The following ADCYAP1R1 variants were observed in gnomAD, a reference collection of about 807,000 sequenced individuals.
The protein encoded by ADCYAP1R1 is ADCYAP receptor type I.
Under a neutral mutation model 67.6 loss-of-function variants are expected in ADCYAP1R1, and 44 were observed. The ratio of observed to expected loss-of-function variants is 0.65; its 90% CI spans 0.51 to 0.84. The LOEUF is 0.84. Ranked by LOEUF, ADCYAP1R1 falls within the 40% of genes least tolerant of loss-of-function variation. The pLI, the probability that ADCYAP1R1 is intolerant of heterozygous loss-of-function variation, is 0.00. For synonymous variants in ADCYAP1R1, 222 were observed against 219.6 expected (o/e 1.01, Z -0.10); for missense variants, 477 against 587.9 (o/e 0.81, Z 1.95).
In ADCYAP1R1 at chr7:31,111,233, T is replaced by A. The variant is rs1796852360; in HGVS notation, c.*4549T>A. The A allele has an allele frequency of 6.6e-6, 1 of 152,264 alleles. No individual in the cohort carries two copies. The highest frequency in any genetic ancestry group is 1.5e-5 in the Non-Finnish European group (1 of 68,086). The allele number at this position is 152,264 out of a possible 1,614,324, so 9.4% of individuals were successfully genotyped here. A position where few individuals can be genotyped will look rare whatever the true frequency, so the allele number is the denominator to read the frequency against. On this transcript the variant is annotated 3_prime_UTR_variant, in exon 16 of 16. Transcript: ENST00000304166. ...CTATGTGTGTCTTGTCTGATGTCTG[T>A]CTTCTGTAGCTTTGCCTCTATCAGG...
intron 3 of ADCYAP1R1, among the ~76,000 whole-genome samples, chr7:31,069,001 G>A (rs538524014): frequency 6.6e-6 from 1 of 152,300 alleles, no homozygotes; most frequent in Admixed American, 6.5e-5. Flanking sequence ...GCACTGTAGA[G>A]CCCCCAGGAG....
chr7:31,060,019 T>C (rs1794429072), intron 1 of ADCYAP1R1, among the ~76,000 whole-genome samples: 2 of 152,038 alleles, frequency 1.3e-5, no homozygotes, highest in African/African-American at 2.4e-5. Flanking sequence ...AGGCACCCTA[T>C]TGAGAGTGCC....
Position 31,080,477 on chromosome 7 carries a change from C to T in ADCYAP1R1, c.266-136C>T, listed in dbSNP as rs973787853. 5 of 859,978 alleles carry T rather than the reference C, an allele frequency of 5.8e-6. No homozygotes were observed. The African/African-American group carries it at 6.7e-5, about 11-fold the overall frequency. The allele number at this position is 859,978 out of a possible 1,614,324, so 53.3% of individuals were successfully genotyped here. On this transcript the variant is annotated intron_variant, in intron 4 of 15. Coordinates refer to ENST00000304166, the MANE Select transcript of ADCYAP1R1 (RefSeq NM_001118.5). Reference sequence around the variant, plus strand: ...TAGTCCTGATGCCTTCTGGGTCCCCCAGAGCCCCTCTTTAATGTTTGGGGT... The same window carrying T: ...TAGTCCTGATGCCTTCTGGGTCCCCTAGAGCCCCTCTTTAATGTTTGGGGT...
intron 15 of ADCYAP1R1, among the ~76,000 whole-genome samples, chr7:31,105,462 C>G (rs1229174823): frequency 6.6e-6 from 1 of 152,218 alleles, no homozygotes. Flanking sequence ...TACTCCATTG[C>G]CAGAGCTGTG....
At chr7:31,071,413 G>T (rs1794974049) in intron 3 of ADCYAP1R1, among the ~76,000 whole-genome samples, 1 of 152,098 alleles carries the variant, frequency 6.6e-6, no homozygotes, top group South Asian at 2.1e-4. Flanking sequence ...CCCCAGTGGG[G>T]GCCTATACAC....
Position 31,086,590 on chromosome 7 carries a change from C to A in ADCYAP1R1, c.823+53C>A. On this transcript the variant is annotated intron_variant, in intron 10 of 15. Transcript: ENST00000304166. This position sits in a 1 kb window ranked among gnomAD's most constrained non-coding sequence, Gnocchi z 5.0. Reference sequence around the variant, plus strand: ...GTTCAGGTCCCGTGGTCAGGTGTGTCCAGGTGTGTCTTTGGTTCCATCTTC... The same window carrying A: ...GTTCAGGTCCCGTGGTCAGGTGTGTACAGGTGTGTCTTTGGTTCCATCTTC... 1 of 1,602,798 alleles carries A rather than the reference C, an allele frequency of 6.2e-7. No individual in the cohort carries two copies. Among genetic ancestry groups the A allele is most frequent in the Non-Finnish European group, 8.5e-7 (1 of 1,172,814 alleles).
rs1453301968 is a variant in ADCYAP1R1 at position 31,077,904 on chromosome 7, G to A, written c.158-87G>A. 1.0e-5 allele frequency: 8 copies of A among 789,542 alleles called. No homozygotes were observed. The East Asian group carries it at 2.1e-4, about 21-fold the overall frequency. 48.9% of individuals were successfully genotyped at this position (789,542 alleles called of 1,614,324 possible). ...GTGGTGTCTGTGGTGTGTGTGGTGT[G>A]TATGTTGGTGTGTGTGATGTGTGTG... On this transcript the variant is annotated intron_variant, in intron 3 of 15. Transcript: ENST00000304166.
At chr7:31,069,550 AT>A (rs1461297899) in intron 3 of ADCYAP1R1, among the ~76,000 whole-genome samples, 26 of 152,142 alleles carry the variant, frequency 1.7e-4, no homozygotes, top group Non-Finnish European at 2.9e-5. Flanking sequence ...ATATGAGTCA[AT>A]TGGAACAAGA....
intron 13 of ADCYAP1R1, among the ~76,000 whole-genome samples, chr7:31,097,816 G>C (rs1011053314): frequency 1.2e-4 from 11 of 95,538 alleles, no homozygotes; most frequent in South Asian, 6.9e-4. Flanking sequence ...GATACAGTTG[G>C]GGGGGGGTCT....
At chr7:31,078,772 G>A (rs1795391666) in intron 4 of ADCYAP1R1, among the ~76,000 whole-genome samples, 1 of 152,204 alleles carries the variant, frequency 6.6e-6, no homozygotes, top group Admixed American at 6.5e-5. Context: ...GGGAGGAGCT[G>A]GACCTTGGGC....
chr7:31,105,681 C>T (rs1052024790), intron 15 of ADCYAP1R1, among the ~76,000 whole-genome samples: 3 of 152,160 alleles, frequency 2.0e-5, no homozygotes, highest in East Asian at 1.9e-4. Context: ...GCTCTGTGAT[C>T]GCCCAGACAA....
intron 12 of ADCYAP1R1, 82 bp downstream of exon 12, chr7:31,087,778 C>A (rs1795812248): frequency 3.7e-6 from 4 of 1,093,942 alleles, no homozygotes; most frequent in South Asian, 2.7e-5. Context: ...ATGAAAGAGT[C>A]CCCACACAAC....
chr7:31,074,276 A>C (rs1185312566), intron 3 of ADCYAP1R1, among the ~76,000 whole-genome samples: 1 of 152,200 alleles, frequency 6.6e-6, no homozygotes, highest in Non-Finnish European at 1.5e-5. Context: ...AATGCTGAGT[A>C]GAGACCTGCC....
At chr7:31,083,695 CCACCCA>C (rs1415630347) in intron 6 of ADCYAP1R1, among the ~76,000 whole-genome samples, 1 of 152,130 alleles carries the variant, frequency 6.6e-6, no homozygotes, top group Non-Finnish European at 1.5e-5. Context: ...GCCAAGGACC[CCACCCA>C]CACCCTGCAG....
At chr7:31,097,806 G>C (rs893958608) in intron 13 of ADCYAP1R1, among the ~76,000 whole-genome samples, 11 of 138,826 alleles carry the variant, frequency 7.9e-5, no homozygotes, top group Middle Eastern at 3.6e-3. Context: ...GGAGGCAACA[G>C]ATACAGTTGG....
chr7:31,075,248 G>A (rs906608839), intron 3 of ADCYAP1R1, among the ~76,000 whole-genome samples: 3 of 152,094 alleles, frequency 2.0e-5, no homozygotes, highest in African/African-American at 7.2e-5. Context: ...TGATTCTGTC[G>A]GCAGTGAACA....
intron 13 of ADCYAP1R1, among the ~76,000 whole-genome samples, chr7:31,097,680 T>C (rs1796256665): frequency 6.6e-6 from 1 of 151,998 alleles, no homozygotes; most frequent in African/African-American, 2.4e-5. Context: ...GGAGTCTGTG[T>C]TTACCATGGA....
chr7:31,080,763 A>T, intron 5 of ADCYAP1R1, 130 bp downstream of exon 5: 1 of 932,920 alleles, frequency 1.1e-6, no homozygotes, highest in Non-Finnish European at 1.7e-6. Flanking sequence ...ACTGGGTATC[A>T]GGTTCTTTCC....
At chr7:31,066,933 G>T (rs537706143) in intron 3 of ADCYAP1R1, among the ~76,000 whole-genome samples, 39 of 152,210 alleles carry the variant, frequency 2.6e-4, no homozygotes, top group Non-Finnish European at 4.6e-4. Flanking sequence ...GAGCAGATGG[G>T]TTGGGCTATT....
Sources: allele counts gnomAD v4.1 joint callset (sites outside exome capture counted in the v4.1 genomes callset), GRCh38; gene constraint gnomAD v4.1.1; non-coding constraint Gnocchi (gnomAD v3.1); transcripts MANE v1.5; gene names NCBI Gene and HGNC (gene_info 2026-07-23, HGNC 2026-07-21).